MYLK: variants seen among roughly 807,000 people sequenced by gnomAD.
The protein encoded by MYLK is myosin light chain kinase.
MYLK carries 106 observed loss-of-function variants against 203.4 expected under a neutral mutation model. That is an observed-to-expected ratio of 0.52 (90% CI 0.45 to 0.61). The LOEUF (loss-of-function observed/expected upper bound fraction) is 0.61, where lower values mean the gene tolerates loss of function less well. Ranked by LOEUF, MYLK falls within the 20% of genes least tolerant of loss-of-function variation. The probability of loss-of-function intolerance (pLI) is 0.00; values close to 1 mark genes in which losing one functional copy is unlikely to be tolerated. For missense variants in MYLK, 2,072 were observed against 2,442.3 expected (o/e 0.85, Z 3.20); for synonymous variants, 867 against 959.5 (o/e 0.90, Z 1.78).
At chr3:123,730,775 A>T (rs2062447545) in intron 11 of MYLK, among the ~76,000 whole-genome samples, 1 of 152,324 alleles carries the variant, frequency 6.6e-6, no homozygotes, top group Non-Finnish European at 1.5e-5. Flanking sequence ...AGGGAGTGAC[A>T]GCTAATGGGT....
chr3:123,747,779 G>A (rs2063066898), intron 5 of MYLK, among the ~76,000 whole-genome samples: 1 of 152,210 alleles, frequency 6.6e-6, no homozygotes, highest in African/African-American at 2.4e-5. Flanking sequence ...GGGGCTGCCA[G>A]TTTGGCTTTC....
At chr3:123,645,075 A>T (rs1233140334) in intron 27 of MYLK, among the ~76,000 whole-genome samples, 1 of 152,212 alleles carries the variant, frequency 6.6e-6, no homozygotes, top group Non-Finnish European at 1.5e-5. Context: ...TTTAAGTGGA[A>T]AAAAACCAGG....
At chr3:123,857,071 G>A (rs1003431576) in intron 2 of MYLK, among the ~76,000 whole-genome samples, 6 of 152,156 alleles carry the variant, frequency 3.9e-5, no homozygotes, top group African/African-American at 1.4e-4. Flanking sequence ...GGCCATCAGA[G>A]AAATGCAAAT....
chr3:123,813,836 G>C (rs747623600), intron 3 of MYLK, among the ~76,000 whole-genome samples: 1 of 152,068 alleles, frequency 6.6e-6, no homozygotes, highest in Non-Finnish European at 1.5e-5. Context: ...AAGCACTAGA[G>C]GCAACCAGCA....
At chr3:123,884,098 G>A (rs1183549922) in intron 1 of MYLK, 108 bp downstream of exon 1, 2 of 151,822 alleles carry the variant, frequency 1.3e-5, no homozygotes, top group Admixed American at 6.6e-5. Context: ...TAGGGGAGTC[G>A]GGAGGCACAG....
chr3:123,714,913 AG>A (rs1207814878), intron 13 of MYLK, among the ~76,000 whole-genome samples: 4 of 152,214 alleles, frequency 2.6e-5, no homozygotes, highest in Non-Finnish European at 5.9e-5. Context: ...ATTGCTGACA[AG>A]TAAAAACGAT....
intron 18 of MYLK, among the ~76,000 whole-genome samples, chr3:123,693,203 C>CT (rs1033692091): frequency 1.3e-5 from 2 of 152,208 alleles, no homozygotes; most frequent in Non-Finnish European, 2.9e-5. Context: ...GCCCTGCCCC[C>CT]TGGACGTCAC....
intron 2 of MYLK, among the ~76,000 whole-genome samples, chr3:123,851,180 A>AT (rs1577122587): frequency 6.6e-6 from 1 of 152,276 alleles, no homozygotes; most frequent in East Asian, 1.9e-4. Context: ...AGGTAGCGTG[A>AT]TGCCTCCAGC....
At chr3:123,748,360 C>T (rs1173069307) in intron 5 of MYLK, among the ~76,000 whole-genome samples, 1 of 152,246 alleles carries the variant, frequency 6.6e-6, no homozygotes, top group Non-Finnish European at 1.5e-5. Flanking sequence ...CACGTTTCAA[C>T]ATGAGACTTG....
chr3:123,686,660 C>T (rs1461625917), intron 19 of MYLK, among the ~76,000 whole-genome samples: 1 of 152,126 alleles, frequency 6.6e-6, no homozygotes, highest in African/African-American at 2.4e-5. Context: ...TGGGCAAGTT[C>T]CTGAACTTTT....
chr3:123,628,155 A>G (rs922164636), intron 30 of MYLK, among the ~76,000 whole-genome samples: 4 of 152,178 alleles, frequency 2.6e-5, no homozygotes, highest in Admixed American at 6.5e-5. Context: ...CAAAAGGCTA[A>G]AAAGATCTCA....
intron 29 of MYLK, among the ~76,000 whole-genome samples, chr3:123,635,811 T>A (rs1259145507): frequency 6.6e-6 from 1 of 152,114 alleles, no homozygotes; most frequent in African/African-American, 2.4e-5. Flanking sequence ...CCAGAATGCT[T>A]CCAATGGCCA....
chr3:123,706,113 C>G (rs184071379), intron 16 of MYLK, among the ~76,000 whole-genome samples: 2 of 152,258 alleles, frequency 1.3e-5, no homozygotes, highest in East Asian at 3.9e-4. Flanking sequence ...ATCACTTGAC[C>G]ACAACAGACA....
intron 32 of MYLK, among the ~76,000 whole-genome samples, 198 bp downstream of exon 32, chr3:123,620,009 T>C (rs1395313866): frequency 7.2e-5 from 11 of 152,068 alleles, no homozygotes; most frequent in African/African-American, 2.4e-4. Context: ...CGAAAATGGT[T>C]AAGCTTAAAG....
At position 123,709,742 on chromosome 3, in the gene MYLK, C is replaced by G; in HGVS notation, c.1942+14G>C. The G allele has an allele frequency of 1.2e-6, 2 of 1,613,312 alleles. No individual in the cohort carries two copies. Among genetic ancestry groups the G allele is most frequent in the African/African-American group, 2.7e-5 (2 of 75,010 alleles). ...TTTCATGTTAATCCCCAAGAGAGAG[C>G]TGCAGAGACAGACCTGACACTTGGA... On this transcript the variant is annotated intron_variant, in intron 14 of 33. Transcript: ENST00000360304.
chr3:123,684,063 T>C (rs2060364709), intron 19 of MYLK, among the ~76,000 whole-genome samples: 1 of 152,152 alleles, frequency 6.6e-6, no homozygotes, highest in Non-Finnish European at 1.5e-5. Flanking sequence ...GCAGGGATGA[T>C]TTCATTTTCT....
At chr3:123,628,197 G>A (rs1162459927) in intron 30 of MYLK, among the ~76,000 whole-genome samples, 1 of 152,168 alleles carries the variant, frequency 6.6e-6, no homozygotes, top group African/African-American at 2.4e-5. Context: ...GGCCTCTGGG[G>A]GAGTTTGGCC....
chr3:123,847,093 C>T (rs534236492), intron 2 of MYLK, among the ~76,000 whole-genome samples: 2 of 151,980 alleles, frequency 1.3e-5, no homozygotes, highest in Admixed American at 1.3e-4. Flanking sequence ...AACAACACAA[C>T]AATAAAAATA....
intron 24 of MYLK, among the ~76,000 whole-genome samples, chr3:123,650,228 C>T (rs1460534651): frequency 6.6e-6 from 1 of 152,224 alleles, no homozygotes; most frequent in Non-Finnish European, 1.5e-5. Flanking sequence ...AAGGGTTGCA[C>T]CTGATGTCTC....
Sources: allele counts gnomAD v4.1 joint callset (sites outside exome capture counted in the v4.1 genomes callset), GRCh38; gene constraint gnomAD v4.1.1; transcripts MANE v1.5; gene names NCBI Gene and HGNC (gene_info 2026-07-23, HGNC 2026-07-21).